The following NKAIN3 variants were observed in gnomAD, a reference collection of about 807,000 sequenced individuals.
NKAIN3 encodes sodium/potassium transporting ATPase interacting 3.
A neutral mutation model predicts 30.2 loss-of-function variants in NKAIN3; 25 were observed. The ratio of observed to expected loss-of-function variants is 0.83; its 90% confidence interval spans 0.60 to 1.16. NKAIN3 has a LOEUF of 1.16. Among genes scored for constraint, NKAIN3 ranks in the 50% most tolerant of loss-of-function variants. The pLI is 0.00. For synonymous variants in NKAIN3, 91 were observed against 89.6 expected, an observed-to-expected ratio of 1.02 and a Z score of -0.09; for missense variants, 225 against 254.1, an observed-to-expected ratio of 0.89 and a Z score of 0.78.
chr8:62,878,347 A>G (rs1213892351), intron 4 of NKAIN3, among the ~76,000 whole-genome samples: 2 of 152,116 alleles, frequency 1.3e-5, no homozygotes, highest in Non-Finnish European at 2.9e-5. Context: ...AGAGAAGGCA[A>G]AACATAAGTA....
chr8:62,598,450 A>T (rs2130137405), intron 3 of NKAIN3, among the ~76,000 whole-genome samples: 1 of 152,184 alleles, frequency 6.6e-6, no homozygotes, highest in South Asian at 2.1e-4. Flanking sequence ...CTCCAATGTT[A>T]ATGATATTAC....
chr8:62,769,900 A>G (rs1005660907), intron 4 of NKAIN3, among the ~76,000 whole-genome samples: 1 of 152,126 alleles, frequency 6.6e-6, no homozygotes, highest in African/African-American at 2.4e-5. Flanking sequence ...TGTGGGCCCC[A>G]ATTAACTTTC....
intron 4 of NKAIN3, among the ~76,000 whole-genome samples, chr8:62,917,948 G>A (rs567804683): frequency 6.7e-4 from 102 of 152,188 alleles, no homozygotes; most frequent in African/African-American, 2.4e-3. Flanking sequence ...GTTTTCTTGT[G>A]GTTTGATTAA....
rs536602221 is a variant in NKAIN3 at position 62,281,918 on chromosome 8, T to A, written c.54+32791T>A. On this transcript the variant is annotated intron_variant, in intron 1 of 6. Coordinates refer to ENST00000623646, the MANE Select transcript of NKAIN3 (RefSeq NM_001304533.3). ...AGGAAGGACAAAAACAATTTTTTTT[T>A]AAAAAAGCATGCTTGTTCCTCTCAC... Among the ~76,000 whole-genome samples, 259 of 152,044 alleles carry A rather than the reference T, an allele frequency of 1.7e-3. 1 individual carries two copies. The highest frequency in any genetic ancestry group is 6.8e-3 in the Middle Eastern group (2 of 292).
At position 62,969,924 on chromosome 8, in the gene NKAIN3, G is replaced by A. The variant is rs528077562; in HGVS notation, c.*4517G>A. 6.6e-6 allele frequency among the ~76,000 whole-genome samples: 1 copy of A among 152,170 alleles called. No individual in the cohort carries two copies. Among genetic ancestry groups the A allele is most frequent in the Non-Finnish European group, 1.5e-5 (1 of 68,032 alleles). On this transcript the variant is annotated 3_prime_UTR_variant, in exon 7 of 7. Coordinates refer to ENST00000623646, the MANE Select transcript of NKAIN3 (RefSeq NM_001304533.3). ...GAAAGGGAACAGATGACCAGACACA[G>A]TGGCTCATGCCTGTAATCCCAAAGC...
chr8:62,356,073 G>T (rs1816345587), intron 1 of NKAIN3, among the ~76,000 whole-genome samples: 2 of 152,078 alleles, frequency 1.3e-5, no homozygotes, highest in African/African-American at 4.8e-5. Flanking sequence ...ACATTTCTTT[G>T]CCCCACTTTC....
At position 62,462,089 on chromosome 8, in the gene NKAIN3, T is replaced by A. The variant is rs1806016963; in HGVS notation, c.55-117450T>A. Among the ~76,000 whole-genome samples, 3 of 152,110 alleles carry A rather than the reference T, an allele frequency of 2.0e-5. No homozygotes were observed. The South Asian group carries it at 6.2e-4, about 32-fold the overall frequency. On this transcript the variant is annotated intron_variant, in intron 1 of 6. Coordinates refer to ENST00000623646, the MANE Select transcript of NKAIN3 (RefSeq NM_001304533.3). ...AATTTTGAAAGGAGCAAAATAAAGA[T>A]GGCTTCTCATGGACAAAGAGCGTGG...
chr8:62,544,603 T>G (rs1808949877), intron 1 of NKAIN3, among the ~76,000 whole-genome samples: 2 of 152,252 alleles, frequency 1.3e-5, no homozygotes, highest in African/African-American at 2.4e-5. Flanking sequence ...CATAAATAAT[T>G]TAGATTCCCC....
At chr8:62,478,520 T>A (rs987880839) in intron 1 of NKAIN3, among the ~76,000 whole-genome samples, 1 of 152,200 alleles carries the variant, frequency 6.6e-6, no homozygotes, top group Non-Finnish European at 1.5e-5. Context: ...GTCCTGACTC[T>A]ACCAACACTA....
intron 3 of NKAIN3, among the ~76,000 whole-genome samples, chr8:62,677,411 ACTCAGGGATACACTAC>A (rs1813511831): frequency 6.6e-6 from 1 of 152,188 alleles, no homozygotes; most frequent in Non-Finnish European, 1.5e-5. Context: ...AGGGGGCATA[ACTCAGGGATACACTAC>A]TTTCTTCCAC....
intron 1 of NKAIN3, among the ~76,000 whole-genome samples, chr8:62,354,916 G>A (rs1439679403): frequency 6.6e-6 from 1 of 152,172 alleles, no homozygotes. Context: ...TTTCCAATGG[G>A]TAGAAGGCAA....
chr8:62,847,239 G>T (rs1437126509), intron 4 of NKAIN3, among the ~76,000 whole-genome samples: 2 of 152,074 alleles, frequency 1.3e-5, no homozygotes, highest in Non-Finnish European at 2.9e-5. Flanking sequence ...TATTTCTGCT[G>T]CTAGGTCTTT....
At position 62,689,191 on chromosome 8, in the gene NKAIN3, A is replaced by C. The variant is rs570881361; in HGVS notation, c.274-57741A>C. On this transcript the variant is annotated intron_variant, in intron 3 of 6. Transcript: ENST00000623646. ...TTGAGTTTCTAAGTTTCTCCTCATCACTAGACCTACTGCTGTTGTGATGCA... is the reference window on the plus strand; with the variant it reads ...TTGAGTTTCTAAGTTTCTCCTCATCCCTAGACCTACTGCTGTTGTGATGCA... Among the ~76,000 whole-genome samples the C allele has an allele frequency of 3.6e-3, 545 of 152,260 alleles. 4 individuals carry two copies. Among genetic ancestry groups the C allele is most frequent in the African/African-American group, 0.013 (522 of 41,562 alleles).
Position 62,467,645 on chromosome 8 carries a change from G to T in NKAIN3, c.55-111894G>T, listed in dbSNP as rs2129599844. Among the ~76,000 whole-genome samples the T allele has an allele frequency of 3.9e-5, 6 of 152,126 alleles. No individual in the cohort carries two copies. In the South Asian group the frequency reaches 1.2e-3, roughly 32 times the overall value. ...TCTCCTTTAAAATCATATAAAATAG[G>T]TTGTGTTTATGTCCTTTTCTCTCAG... On this transcript the variant is annotated intron_variant, in intron 1 of 6. Transcript: ENST00000623646.
chr8:62,915,001 T>C (rs1201373268), intron 4 of NKAIN3, among the ~76,000 whole-genome samples: 1 of 152,110 alleles, frequency 6.6e-6, no homozygotes, highest in Non-Finnish European at 1.5e-5. Flanking sequence ...CCTGTCTCCA[T>C]GTGTTCCCAT....
At position 62,977,311 on chromosome 8, in the gene NKAIN3, C is replaced by T. The variant is rs1483051695; in HGVS notation, c.*11904C>T. 6.6e-6 allele frequency among the ~76,000 whole-genome samples: 1 copy of T among 152,110 alleles called. No homozygotes were observed. The highest frequency in any genetic ancestry group is 2.4e-5 in the African/African-American group (1 of 41,408). On this transcript the variant is annotated 3_prime_UTR_variant, in exon 7 of 7. Transcript: ENST00000623646. The stretch of plus-strand genomic sequence containing the variant: ...GCTTTCCAACTTGATTCCATTCTCC[C>T]CATCACTTTTAGGTACACCAATCAA...
chr8:62,614,722 T>C (rs1233782239), intron 3 of NKAIN3, among the ~76,000 whole-genome samples: 4 of 152,026 alleles, frequency 2.6e-5, no homozygotes, highest in African/African-American at 7.2e-5. Flanking sequence ...CCACAAGATA[T>C]AGTTCTTCCC....
chr8:62,274,399 G>C (rs1051289465), intron 1 of NKAIN3, among the ~76,000 whole-genome samples: 2 of 152,110 alleles, frequency 1.3e-5, no homozygotes. Flanking sequence ...TGAACCAGCT[G>C]TGATAATGTA....
intron 4 of NKAIN3, chr8:62,855,660 G>T: frequency 6.2e-7 from 1 of 1,604,206 alleles, no homozygotes; most frequent in Non-Finnish European, 8.5e-7. Context: ...CTGAAGTGCT[G>T]CTGCAGCCCA....
Sources: allele counts gnomAD v4.1 joint callset (sites outside exome capture counted in the v4.1 genomes callset), GRCh38; gene constraint gnomAD v4.1.1; transcripts MANE v1.5; gene names NCBI Gene and HGNC (gene_info 2026-07-23, HGNC 2026-07-21).